GTF3C2: variants seen among roughly 807,000 people sequenced by gnomAD.
The protein encoded by GTF3C2 is general transcription factor IIIC subunit 2.
GTF3C2 carries 17 observed loss-of-function variants against 117.4 expected under a neutral mutation model. The ratio of observed to expected loss-of-function variants is 0.14; its 90% CI spans 0.10 to 0.22. The LOEUF (loss-of-function observed/expected upper bound fraction) is 0.22. Among genes scored for constraint, GTF3C2 ranks in the 10% least tolerant of loss-of-function variants. The pLI is 1.00. For synonymous variants in GTF3C2, 437 were observed against 427.0 expected (o/e 1.02, Z -0.29); for missense variants, 888 against 1,143.6 (o/e 0.78, Z 3.22).
intron 18 of GTF3C2, 21 bp from the exon 19 acceptor site, chr2:27,326,914 A>T: frequency 6.6e-7 from 1 of 1,508,086 alleles, no homozygotes; most frequent in Non-Finnish European, 9.2e-7. Flanking sequence ...AACAGAAAAC[A>T]AGAGAGAGAT....
chr2:27,328,662 GCA>G, intron 15 of GTF3C2, 66 bp from the exon 16 acceptor site: 2 of 1,362,838 alleles, frequency 1.5e-6, no homozygotes, highest in African/African-American at 1.4e-5. Context: ...GGTAACAGCT[GCA>G]CAGTCTGAGA....
At chr2:27,342,832 G>C in exon 3 of GTF3C2, 1 of 1,611,970 alleles carries the variant, frequency 6.2e-7, no homozygotes, top group South Asian at 1.1e-5. Context: ...TTACACTTGG[G>C]CAGCCCTTCG....
At chr2:27,334,238 A>T (rs1200321593) in intron 10 of GTF3C2, among the ~76,000 whole-genome samples, 1 of 151,056 alleles carries the variant, frequency 6.6e-6, no homozygotes, top group Non-Finnish European at 1.5e-5. Context: ...CTGTGGACAC[A>T]GGCCTTCTCT....
chr2:27,341,901 TA>T, intron 4 of GTF3C2, 46 bp downstream of exon 4: 1 of 1,529,016 alleles, frequency 6.5e-7, no homozygotes, highest in Non-Finnish European at 9.0e-7. Flanking sequence ...GCTGGTCCCC[TA>T]AAATCCTACT....
At chr2:27,352,345 T>C (rs1393574401) in intron 1 of GTF3C2, among the ~76,000 whole-genome samples, 2 of 152,182 alleles carry the variant, frequency 1.3e-5, no homozygotes, top group Admixed American at 1.3e-4. Context: ...TGCAGATGAT[T>C]TTGCTTTTGA....
intron 18 of GTF3C2, 66 bp from the exon 19 acceptor site, chr2:27,326,959 G>A (rs1055946207): frequency 5.1e-6 from 5 of 983,326 alleles, no homozygotes; most frequent in Non-Finnish European, 6.0e-6. Flanking sequence ...ACTCCTAGCT[G>A]TATGAACAAA....
chr2:27,328,499 A>G (rs1202973380), exon 16 of GTF3C2: 3 of 1,613,674 alleles, frequency 1.9e-6, no homozygotes, highest in Non-Finnish European at 2.5e-6. Flanking sequence ...CTTGACATTT[A>G]TTGGATTCAG....
At chr2:27,334,024 A>G in intron 10 of GTF3C2, 25 bp from the exon 11 acceptor site, 1 of 1,592,900 alleles carries the variant, frequency 6.3e-7, no homozygotes, top group Non-Finnish European at 8.6e-7. Flanking sequence ...AGCAGGAACT[A>G]ACTCTATGGA....
intron 1 of GTF3C2, among the ~76,000 whole-genome samples, chr2:27,355,469 G>A (rs1196205653): frequency 1.3e-5 from 2 of 151,188 alleles, no homozygotes; most frequent in African/African-American, 2.4e-5. Context: ...GCAGTGAGCC[G>A]AGATCACGCC....
intron 11 of GTF3C2, 76 bp from the exon 12 acceptor site, chr2:27,333,860 A>C (rs1247823386): frequency 4.1e-6 from 6 of 1,480,074 alleles, no homozygotes; most frequent in Non-Finnish European, 5.7e-6. Context: ...ATCAGTGCTT[A>C]ATCCAGCAGG....
chr2:27,344,403 G>A (rs769184673), intron 1 of GTF3C2, among the ~76,000 whole-genome samples: 1 of 152,084 alleles, frequency 6.6e-6, no homozygotes, highest in Non-Finnish European at 1.5e-5. Context: ...CTAATTTAAA[G>A]CTCATATATT....
intron 1 of GTF3C2, among the ~76,000 whole-genome samples, chr2:27,351,629 C>A (rs780397853): frequency 6.6e-6 from 1 of 152,178 alleles, no homozygotes; most frequent in African/African-American, 2.4e-5. Context: ...GCCTCCTAGT[C>A]TGCCTTTCTC....
chr2:27,336,293 G>A, exon 8 of GTF3C2: 1 of 1,614,026 alleles, frequency 6.2e-7, no homozygotes, highest in East Asian at 2.2e-5. Flanking sequence ...TCATGTCAGG[G>A]CTGGAGAAAA....
chr2:27,336,241 G>A, exon 8 of GTF3C2: 1 of 1,614,104 alleles, frequency 6.2e-7, no homozygotes, highest in Non-Finnish European at 8.5e-7. Flanking sequence ...AGCTGGAGCA[G>A]CCCAGGACCC....
rs375436921 is a variant in GTF3C2, at chr2:27,328,457, C to G, written c.2256+11G>C. On this transcript the variant is annotated intron_variant, in intron 16 of 18. Transcript: ENST00000264720. Reference sequence around the variant, plus strand: ...GATCCAACAGCTGCTGTTAGATGTTCGTATACGTACAAATCTTCGCTCTAC... The same window carrying G: ...GATCCAACAGCTGCTGTTAGATGTTGGTATACGTACAAATCTTCGCTCTAC... 16 of 1,613,658 alleles carry G rather than the reference C, an allele frequency of 9.9e-6. No individual in the cohort carries two copies. In the Admixed American group the frequency reaches 2.0e-4, roughly 20 times the overall value.
At chr2:27,326,831 C>T in exon 19 of GTF3C2, 1 of 1,614,010 alleles carries the variant, frequency 6.2e-7, no homozygotes, top group South Asian at 1.1e-5. Context: ...GGATTCGAAC[C>T]AGCCCTGACT....
rs760768422 is a variant in GTF3C2, at chr2:27,355,520, C to CAA, written c.-25+1217_-25+1218dup. Among the ~76,000 whole-genome samples the CAA allele has an allele frequency of 9.4e-3, 1,206 of 128,420 alleles. 13 individuals carry two copies. Among genetic ancestry groups the CAA allele is most frequent in the African/African-American group, 0.032 (1,140 of 36,014 alleles). 84.2% of individuals were successfully genotyped at this position (128,420 alleles called of 152,430 possible). A position where few individuals can be genotyped will look rare whatever the true frequency, so the allele number is the denominator to read the frequency against. On this transcript the variant is annotated intron_variant, in intron 1 of 18. Coordinates refer to ENST00000264720, the Ensembl canonical transcript of GTF3C2. Reference sequence around the variant, plus strand: ...GGGCAACAAGAACAAAACTCCGTATCAAAAAAAAAAAAAATACACTTCTCA... The same window carrying CAA: ...GGGCAACAAGAACAAAACTCCGTATCAAAAAAAAAAAAAAAATACACTTCTCA...
At chr2:27,326,133 G>A in exon 19 of GTF3C2, 1 of 456,400 alleles carries the variant, frequency 2.2e-6, no homozygotes. Flanking sequence ...TAGGGTGTCT[G>A]TGGTATTCCT....
chr2:27,325,951 G>C (rs979807839), exon 19 of GTF3C2: 77 of 200,612 alleles, frequency 3.8e-4, no homozygotes, highest in Admixed American at 1.1e-4. Flanking sequence ...AAGATGACTA[G>C]ATTTCCTAAC....
Sources: gnomAD v4.1 joint callset for allele counts (sites outside exome capture counted in the v4.1 genomes callset) on GRCh38, gnomAD v4.1.1 for gene constraint, MANE v1.5 for transcripts, NCBI Gene and HGNC (gene_info 2026-07-23, HGNC 2026-07-21) for gene names.